The following PATJ variants were observed in gnomAD, a reference collection of about 807,000 sequenced individuals.
The protein encoded by PATJ is PATJ crumbs cell polarity complex component, also known as inaD-like protein.
PATJ carries 190 observed loss-of-function variants against 224.9 expected under a neutral mutation model. That is an observed-to-expected ratio of 0.84 (90% confidence interval 0.75 to 0.95). The LOEUF (loss-of-function observed/expected upper bound fraction) is 0.95, where lower values mean the gene tolerates loss of function less well. Among genes scored for constraint, PATJ ranks in the 40% least tolerant of loss-of-function variants. The pLI, the probability that PATJ is intolerant of heterozygous loss-of-function variation, is 0.00. For synonymous variants in PATJ, 769 were observed against 820.3 expected (o/e 0.94, Z 1.07); for missense variants, 2,121 against 2,270.3 (o/e 0.93, Z 1.34).
intron 26 of PATJ, among the ~76,000 whole-genome samples, chr1:61,918,288 A>G (rs971636520): frequency 6.7e-6 from 1 of 149,382 alleles, no homozygotes; most frequent in Non-Finnish European, 1.5e-5. Context: ...ATTTGTTGGC[A>G]TAAAGTTGTT....
At chr1:62,119,160 CAG>C (rs1664778906) in intron 37 of PATJ, among the ~76,000 whole-genome samples, 1 of 151,822 alleles carries the variant, frequency 6.6e-6, no homozygotes, top group African/African-American at 2.4e-5. Context: ...TTTTTAAAAA[CAG>C]TAAATATATC....
At chr1:61,952,536 G>C (rs1679869920) in intron 27 of PATJ, 2 of 676,906 alleles carry the variant, frequency 3.0e-6, no homozygotes, top group Non-Finnish European at 5.6e-6. Context: ...TTTTTCTTAA[G>C]TAAGAGAGCG....
rs552409240 is a variant in PATJ at position 62,009,041 on chromosome 1, T to G, written c.3868-8815T>G. On this transcript the variant is annotated intron_variant, in intron 28 of 43. Coordinates refer to ENST00000642238, the MANE Select transcript of PATJ (RefSeq NM_001350145.3). ...AGAAACTTTGGGAAAGGCACTTAGTTTCTCTACCTCTCAATTTACTGGAAG... is the reference window on the plus strand; with the variant it reads ...AGAAACTTTGGGAAAGGCACTTAGTGTCTCTACCTCTCAATTTACTGGAAG... Among the ~76,000 whole-genome samples the G allele has an allele frequency of 3.3e-5, 5 of 152,288 alleles. No homozygotes were observed. The East Asian group carries it at 9.6e-4, about 29-fold the overall frequency.
intron 27 of PATJ, among the ~76,000 whole-genome samples, chr1:61,938,947 C>T (rs1281499734): frequency 6.7e-6 from 1 of 150,238 alleles, no homozygotes; most frequent in Non-Finnish European, 1.5e-5. Flanking sequence ...GGTGAAACAC[C>T]GTCTCTACTA....
chr1:61,885,353 C>T (rs1668666329), intron 22 of PATJ, among the ~76,000 whole-genome samples: 1 of 152,116 alleles, frequency 6.6e-6, no homozygotes, highest in Non-Finnish European at 1.5e-5. Context: ...ACAACCCCAT[C>T]AAAAAGTGGG....
intron 27 of PATJ, among the ~76,000 whole-genome samples, chr1:61,931,614 A>G (rs1266340107): frequency 6.6e-6 from 1 of 152,150 alleles, no homozygotes; most frequent in Non-Finnish European, 1.5e-5. Flanking sequence ...ATTACAAAAA[A>G]TTAACTGGGT....
At chr1:61,975,793 G>A (rs1190947326) in intron 27 of PATJ, among the ~76,000 whole-genome samples, 2 of 151,896 alleles carry the variant, frequency 1.3e-5, no homozygotes, top group East Asian at 1.9e-4. Flanking sequence ...AGCCACATTC[G>A]GCTGCAGCTG....
intron 31 of PATJ, among the ~76,000 whole-genome samples, chr1:62,067,912 T>A (rs1037245833): frequency 6.6e-6 from 1 of 152,182 alleles, no homozygotes; most frequent in African/African-American, 2.4e-5. Flanking sequence ...GCGATCCTCC[T>A]ACCTCAGCCT....
intron 21 of PATJ, among the ~76,000 whole-genome samples, chr1:61,876,956 C>A (rs1667410237): frequency 6.6e-6 from 1 of 152,180 alleles, no homozygotes; most frequent in Non-Finnish European, 1.5e-5. Context: ...GACATTATTG[C>A]ATTGAGTAAT....
intron 41 of PATJ, among the ~76,000 whole-genome samples, chr1:62,141,674 C>CAAAA (rs11322309): frequency 7.3e-6 from 1 of 137,134 alleles, no homozygotes; most frequent in African/African-American, 2.6e-5. Context: ...GACTCTGTCT[C>CAAAA]AAAAAAAAAA....
chr1:61,927,240 T>C (rs12097605), intron 26 of PATJ, among the ~76,000 whole-genome samples: 5,401 of 152,264 alleles, frequency 0.035, 365 homozygotes, highest in African/African-American at 0.12. Context: ...ACATTTTCAG[T>C]TAGAAAATCT....
chr1:61,846,884 C>T (rs1662056064), intron 17 of PATJ, among the ~76,000 whole-genome samples: 1 of 152,218 alleles, frequency 6.6e-6, no homozygotes, highest in African/African-American at 2.4e-5. Context: ...CAGGCATGAG[C>T]CACTGCACCC....
intron 28 of PATJ, among the ~76,000 whole-genome samples, chr1:61,997,720 C>A (rs7543658): frequency 0.15 from 22,131 of 151,016 alleles, 1,990 homozygotes; most frequent in Non-Finnish European, 0.21. Flanking sequence ...TTAAAACACC[C>A]AAGATAGTTT....
intron 41 of PATJ, among the ~76,000 whole-genome samples, chr1:62,132,761 G>A (rs2476196): frequency 0.72 from 109,184 of 151,870 alleles, 39,426 homozygotes; most frequent in Admixed American, 0.78. Flanking sequence ...AAAATTAGTC[G>A]TGCATAGTGG....
At chr1:62,153,337 C>A in intron 42 of PATJ, 21 bp from the exon 43 acceptor site, 1 of 1,228,350 alleles carries the variant, frequency 8.1e-7, no homozygotes, top group Non-Finnish European at 1.0e-6. Context: ...TCGAATTAAA[C>A]AGCATGCATT....
In PATJ at chr1:61,908,448, T is replaced by A; in HGVS notation, c.3458T>A (p.Val1153Glu). The change falls in exon 25 of 44, where the codon GTG (valine) becomes GAG (glutamate). Residue 1153 changes from valine (V) to glutamate (E), a missense_variant. By Grantham distance (121) the Val-to-Glu change is moderately radical (BLOSUM62 -2). Transcript: ENST00000642238. ...EAIKNAGNPV[V>E]FIVQSLSSTP... ...ATTAAGAATGCAGGAAACCCTGTGGTGTTCATTGTTCAGAGTTTGTCATCC... is the reference window on the plus strand; with the variant it reads ...ATTAAGAATGCAGGAAACCCTGTGGAGTTCATTGTTCAGAGTTTGTCATCC... The A allele has an allele frequency of 3.1e-6, 5 of 1,613,804 alleles. No individual in the cohort carries two copies. The highest frequency in any genetic ancestry group is 4.2e-6 in the Non-Finnish European group (5 of 1,179,706).
chr1:61,800,422 G>A (rs1297686422), intron 11 of PATJ, among the ~76,000 whole-genome samples: 2 of 152,098 alleles, frequency 1.3e-5, no homozygotes, highest in African/African-American at 4.8e-5. Flanking sequence ...ACTTTTTAAT[G>A]GTGGGTTGTT....
intron 31 of PATJ, among the ~76,000 whole-genome samples, chr1:62,066,415 A>G (rs1013902589): frequency 8.6e-5 from 13 of 151,200 alleles, no homozygotes; most frequent in African/African-American, 3.2e-4. Context: ...ACAGGGTCAC[A>G]CTCTGTCGCC....
intron 26 of PATJ, among the ~76,000 whole-genome samples, chr1:61,918,916 C>G (rs1370894625): frequency 1.3e-5 from 2 of 151,668 alleles, no homozygotes; most frequent in African/African-American, 4.8e-5. Flanking sequence ...CATGGTCACA[C>G]CACTGCACTC....
Sources: allele counts gnomAD v4.1 joint callset (sites outside exome capture counted in the v4.1 genomes callset), GRCh38; gene constraint gnomAD v4.1.1; transcripts MANE v1.5; gene names NCBI Gene and HGNC (gene_info 2026-07-23, HGNC 2026-07-21).